MYO3B: variants seen among roughly 807,000 people sequenced by gnomAD.
The protein encoded by MYO3B is myosin-IIIb.
MYO3B carries 156 observed loss-of-function variants against 174.6 expected under a neutral mutation model. The observed-to-expected ratio is 0.89, with a 90% CI of 0.78 to 1.02. The LOEUF is 1.02. MYO3B is among the 50% of genes least tolerant of loss of function. The probability of loss-of-function intolerance (pLI) is 0.00; values close to 1 mark genes in which losing one functional copy is unlikely to be tolerated. For synonymous variants in MYO3B, 563 were observed against 569.1 expected (o/e 0.99, Z 0.15); for missense variants, 1,632 against 1,639.4 (o/e 1.00, Z 0.08).
chr2:170,506,844 G>A (rs1687648384), intron 28 of MYO3B, among the ~76,000 whole-genome samples: 2 of 152,176 alleles, frequency 1.3e-5, no homozygotes, highest in African/African-American at 2.4e-5. Flanking sequence ...CCAAACAAGA[G>A]GGGGACTGTA....
intron 7 of MYO3B, among the ~76,000 whole-genome samples, chr2:170,320,504 G>A (rs2093817645): frequency 6.6e-6 from 1 of 152,072 alleles, no homozygotes; most frequent in Admixed American, 6.6e-5. Flanking sequence ...TAAAAATTAA[G>A]ATAGATATAA....
chr2:170,548,725 G>T (rs1575148957), intron 32 of MYO3B, among the ~76,000 whole-genome samples: 4 of 152,090 alleles, frequency 2.6e-5, no homozygotes, highest in Admixed American at 2.6e-4. Context: ...TGTATCTAGG[G>T]GCATGATTAT....
At position 170,466,005 on chromosome 2, in the gene MYO3B, CT is replaced by C. The variant is rs142501544; in HGVS notation, c.2809-496del. Among the ~76,000 whole-genome samples, 709 of 152,230 alleles carry C rather than the reference CT, an allele frequency of 4.7e-3. 2 individuals carry two copies. Among genetic ancestry groups the C allele is most frequent in the African/African-American group, 0.016 (666 of 41,536 alleles). On this transcript the variant is annotated intron_variant, in intron 24 of 34. Coordinates refer to ENST00000408978, the MANE Select transcript of MYO3B (RefSeq NM_138995.5). ...GTTAGTTGATAGTCACCACAGTCTT[CT>C]TTTTGGTACTTCTCTCATTTTCTTT... is the stretch of plus-strand genomic sequence containing the variant.
At chr2:170,214,542 G>A (rs1179904535) in intron 4 of MYO3B, 59 bp downstream of exon 4, 1 of 1,523,768 alleles carries the variant, frequency 6.6e-7, no homozygotes, top group Admixed American at 1.7e-5. Context: ...TCATTGCTTG[G>A]GTCCTTATTG....
At chr2:170,205,324 G>A (rs1014786067) in intron 3 of MYO3B, among the ~76,000 whole-genome samples, 2 of 152,116 alleles carry the variant, frequency 1.3e-5, no homozygotes, top group Admixed American at 6.5e-5. Flanking sequence ...AGTAGGGCAG[G>A]GAGAGAGACC....
At chr2:170,633,873 C>G (rs1697237417) in intron 32 of MYO3B, among the ~76,000 whole-genome samples, 1 of 152,152 alleles carries the variant, frequency 6.6e-6, no homozygotes, top group Non-Finnish European at 1.5e-5. Flanking sequence ...ACAATTCCTA[C>G]AAAGAGAATA....
intron 23 of MYO3B, among the ~76,000 whole-genome samples, chr2:170,458,540 G>A (rs1486961850): frequency 2.6e-5 from 4 of 152,186 alleles, no homozygotes; most frequent in African/African-American, 9.7e-5. Context: ...TGCCCTAATA[G>A]AACCCACTTT....
chr2:170,409,040 A>G (rs2094528980), intron 22 of MYO3B, among the ~76,000 whole-genome samples: 1 of 152,228 alleles, frequency 6.6e-6, no homozygotes, highest in Admixed American at 6.5e-5. Flanking sequence ...ACTTCAGCAC[A>G]GAGGTGAAGA....
chr2:170,244,368 A>G (rs900840000), intron 7 of MYO3B, among the ~76,000 whole-genome samples: 4 of 152,222 alleles, frequency 2.6e-5, no homozygotes, highest in African/African-American at 9.6e-5. Flanking sequence ...CCCACCTGGA[A>G]AGGCTCAAAA....
chr2:170,555,659 G>T (rs924716482), intron 32 of MYO3B, among the ~76,000 whole-genome samples: 2 of 151,900 alleles, frequency 1.3e-5, no homozygotes, highest in African/African-American at 4.8e-5. Flanking sequence ...ATTGCCTGAG[G>T]CCAAGAGTTT....
At chr2:170,220,155 G>T (rs1473151976) in intron 6 of MYO3B, among the ~76,000 whole-genome samples, 1 of 152,072 alleles carries the variant, frequency 6.6e-6, no homozygotes, top group Non-Finnish European at 1.5e-5. Flanking sequence ...CTACTCAGGA[G>T]GCTGAGCAAG....
chr2:170,564,980 T>G (rs928955568), intron 32 of MYO3B, among the ~76,000 whole-genome samples: 1 of 152,156 alleles, frequency 6.6e-6, no homozygotes, highest in African/African-American at 2.4e-5. Flanking sequence ...CTCTATTCTT[T>G]TGCTGCCTGT....
At chr2:170,362,615 T>C (rs1430149503) in intron 8 of MYO3B, among the ~76,000 whole-genome samples, 9 of 152,228 alleles carry the variant, frequency 5.9e-5, no homozygotes, top group Non-Finnish European at 1.5e-5. Flanking sequence ...CTCTGATTGA[T>C]AACCATAGAC....
At chr2:170,402,092 G>T (rs973415003) in intron 18 of MYO3B, among the ~76,000 whole-genome samples, 2 of 152,228 alleles carry the variant, frequency 1.3e-5, no homozygotes, top group African/African-American at 4.8e-5. Context: ...TTGGCTGGGA[G>T]CTGGACAAAC....
intron 16 of MYO3B, among the ~76,000 whole-genome samples, chr2:170,396,793 G>T (rs1189527533): frequency 1.3e-5 from 2 of 152,140 alleles, no homozygotes; most frequent in Non-Finnish European, 2.9e-5. Flanking sequence ...TATTTTGGGA[G>T]GTTTCAGAGC....
At chr2:170,462,095 TTC>T (rs1458252954) in intron 23 of MYO3B, among the ~76,000 whole-genome samples, 1 of 152,224 alleles carries the variant, frequency 6.6e-6, no homozygotes, top group Non-Finnish European at 1.5e-5. Flanking sequence ...GTGTTGTGTT[TTC>T]TCTTTGTTCC....
chr2:170,507,863 A>G (rs539094266), intron 28 of MYO3B, among the ~76,000 whole-genome samples: 1 of 152,330 alleles, frequency 6.6e-6, no homozygotes, highest in Non-Finnish European at 1.5e-5. Context: ...TTCTGACAAG[A>G]AATGAGCTCT....
intron 23 of MYO3B, among the ~76,000 whole-genome samples, chr2:170,461,762 G>A (rs1684302581): frequency 8.6e-6 from 1 of 116,052 alleles, no homozygotes; most frequent in Non-Finnish European, 1.7e-5. Flanking sequence ...GGCAACAAGA[G>A]TGAAACTCCG....
At chr2:170,488,860 G>A (rs1369740288) in intron 25 of MYO3B, among the ~76,000 whole-genome samples, 3 of 152,232 alleles carry the variant, frequency 2.0e-5, no homozygotes, top group African/African-American at 7.2e-5. Context: ...TGAAACAGAA[G>A]CACCTTCCTG....
Sources: gnomAD v4.1 joint callset for allele counts (sites outside exome capture counted in the v4.1 genomes callset) on GRCh38, gnomAD v4.1.1 for gene constraint, MANE v1.5 for transcripts, NCBI Gene and HGNC (gene_info 2026-07-23, HGNC 2026-07-21) for gene names.